The following ANKRD16 variants were observed in gnomAD, a reference collection of about 807,000 sequenced individuals.
The protein encoded by ANKRD16 is ankyrin repeat domain 16.
A neutral mutation model predicts 37.9 loss-of-function variants in ANKRD16; 35 were observed. That is an observed-to-expected ratio of 0.92 (90% confidence interval 0.71 to 1.23). The LOEUF (loss-of-function observed/expected upper bound fraction) is 1.23, where lower values mean the gene tolerates loss of function less well. Among genes scored for constraint, ANKRD16 ranks in the 50% most tolerant of loss-of-function variants. The pLI, the probability that ANKRD16 is intolerant of heterozygous loss-of-function variation, is 0.00. For missense variants in ANKRD16, 480 were observed against 469.9 expected (o/e 1.02, Z -0.20); for synonymous variants, 206 against 197.2 (o/e 1.04, Z -0.37).
intron 3 of ANKRD16, among the ~76,000 whole-genome samples, chr10:5,885,322 A>G (rs1326400123): frequency 3.3e-5 from 5 of 152,136 alleles, no homozygotes; most frequent in East Asian, 1.9e-4. Context: ...CTGGGACTAC[A>G]GGCGCCCGCC....
At chr10:5,880,667 T>C (rs1043749776) in intron 5 of ANKRD16, among the ~76,000 whole-genome samples, 3 of 151,936 alleles carry the variant, frequency 2.0e-5, no homozygotes, top group African/African-American at 4.9e-5. Flanking sequence ...ACATTAAATA[T>C]CTCTTTCCAC....
Position 5,871,720 on chromosome 10 carries a change from C to T in ANKRD16, c.*33+6377G>A, listed in dbSNP as rs960408198. Among the ~76,000 whole-genome samples, 3 of 152,176 alleles carry T rather than the reference C, an allele frequency of 2.0e-5. No individual in the cohort carries two copies. Among genetic ancestry groups the T allele is most frequent in the South Asian group, 2.1e-4 (1 of 4,826 alleles). ...TTCTAAGCCTACTTCCCACACCTTC[C>T]GAAGAGCCTTATCCCACAGAGCCCT... On this transcript the variant is annotated intron_variant, in intron 7 of 7. Transcript: ENST00000380094. This position sits in a 1 kb window ranked among gnomAD's most constrained non-coding sequence, Gnocchi z 4.5.
Position 5,866,448 on chromosome 10 carries a change from G to A in ANKRD16, c.*34-3757C>T, listed in dbSNP as rs1339749708. ...AAGTAAGTCTCTTCCCCAGGGACCA[G>A]TGCCCAGTTAGCAGAACTAGTGGCA... is the stretch of plus-strand genomic sequence containing the variant. On this transcript the variant is annotated intron_variant, in intron 7 of 7. Transcript: ENST00000380094. The surrounding 1 kb of genome is among the most constrained non-coding windows in gnomAD (Gnocchi z 4.3). Among the ~76,000 whole-genome samples the A allele has an allele frequency of 6.6e-6, 1 of 152,224 alleles. No homozygotes were observed. The highest frequency in any genetic ancestry group is 1.9e-4 in the East Asian group (1 of 5,206).
At chr10:5,872,794 G>A (rs75479759) in intron 7 of ANKRD16, among the ~76,000 whole-genome samples, 3,922 of 151,882 alleles carry the variant, frequency 0.026, 91 homozygotes, top group East Asian at 0.085. Context: ...CTGACCTCGT[G>A]ATCTGCCCCC....
At chr10:5,880,131 G>A (rs530745118) in intron 6 of ANKRD16, among the ~76,000 whole-genome samples, 167 bp downstream of exon 6, 2 of 127,770 alleles carry the variant, frequency 1.6e-5, no homozygotes, top group East Asian at 4.8e-4. Flanking sequence ...CTGCACTCCA[G>A]CCTGGGCAAC....
chr10:5,875,987 G>A (rs1274527110), intron 7 of ANKRD16, among the ~76,000 whole-genome samples: 3 of 152,142 alleles, frequency 2.0e-5, no homozygotes, highest in East Asian at 1.9e-4. Flanking sequence ...GAGTTAAAGC[G>A]ATTCTCCTGC....
chr10:5,884,343 A>T (rs1842377338), intron 3 of ANKRD16, among the ~76,000 whole-genome samples: 1 of 152,130 alleles, frequency 6.6e-6, no homozygotes, highest in African/African-American at 2.4e-5. Flanking sequence ...TGCACCAGAG[A>T]CCTGGAAGCC....
intron 5 of ANKRD16, among the ~76,000 whole-genome samples, chr10:5,881,754 C>T (rs1842321064): frequency 6.8e-6 from 1 of 147,692 alleles, no homozygotes; most frequent in Admixed American, 6.9e-5. Flanking sequence ...GTGGTGCGAT[C>T]TCGGCTCACT....
In ANKRD16 at chr10:5,862,637, T is replaced by C. The variant is rs1313790661; in HGVS notation, c.*88A>G. ...CAGGTTCAGGATGACTGAAGCAAGT[T>C]GCACTTGGCTTTCTCTGAGCCGAAA... is the stretch of plus-strand genomic sequence containing the variant. On this transcript the variant is annotated 3_prime_UTR_variant, in exon 8 of 8. Coordinates refer to ENST00000380094, the MANE Select transcript of ANKRD16 (RefSeq NM_019046.3). The surrounding 1 kb of genome is among the most constrained non-coding windows in gnomAD (Gnocchi z 6.5). 27 of 1,289,476 alleles carry C rather than the reference T, an allele frequency of 2.1e-5. No homozygotes were observed. Among genetic ancestry groups the C allele is most frequent in the Non-Finnish European group, 2.6e-5 (26 of 988,878 alleles). The allele number at this position is 1,289,476 out of a possible 1,614,324, so 79.9% of individuals were successfully genotyped here. A position where few individuals can be genotyped will look rare whatever the true frequency, so the allele number is the denominator to read the frequency against.
chr10:5,862,302 C>T lies in ANKRD16; in HGVS notation c.*423G>A. ...AATCTCATCAGAAGTGGTGCTACCA[C>T]TGTGTTTCATGTTTTTGTGTTTCTT... On this transcript the variant is annotated 3_prime_UTR_variant, in exon 8 of 8. Coordinates refer to ENST00000380094, the MANE Select transcript of ANKRD16 (RefSeq NM_019046.3). The surrounding 1 kb of genome is among the most constrained non-coding windows in gnomAD (Gnocchi z 6.5). 2.5e-6 allele frequency: 1 copy of T among 396,798 alleles called. No individual in the cohort carries two copies. The highest frequency in any genetic ancestry group is 4.9e-6 in the Non-Finnish European group (1 of 205,210). The allele number at this position is 396,798 out of a possible 1,614,324, so 24.6% of individuals were successfully genotyped here.
intron 7 of ANKRD16, among the ~76,000 whole-genome samples, chr10:5,872,845 C>G (rs1008931463): frequency 3.3e-5 from 5 of 151,552 alleles, no homozygotes; most frequent in African/African-American, 1.2e-4. Context: ...CGTGAGCCAC[C>G]GCGCCCGGCC....
chr10:5,877,215 C>T (rs1851362517), intron 7 of ANKRD16, among the ~76,000 whole-genome samples: 1 of 152,152 alleles, frequency 6.6e-6, no homozygotes, highest in African/African-American at 2.4e-5. Context: ...TGGGTTCAGG[C>T]AATTCTCGGG....
intron 7 of ANKRD16, among the ~76,000 whole-genome samples, chr10:5,875,708 A>AT (rs1842171738): frequency 7.9e-6 from 1 of 126,178 alleles, no homozygotes; most frequent in Admixed American, 1.0e-4. Context: ...GCTGCAATTA[A>AT]TGTTCTTTTT....
At chr10:5,880,132 C>T (rs1315527738) in intron 6 of ANKRD16, among the ~76,000 whole-genome samples, 166 bp downstream of exon 6, 2 of 143,888 alleles carry the variant, frequency 1.4e-5, no homozygotes, top group Non-Finnish European at 3.0e-5. Context: ...TGCACTCCAG[C>T]CTGGGCAACA....
chr10:5,889,342 C>T lies in ANKRD16; in HGVS notation c.13G>A (p.Gly5Arg), dbSNP rs541818307. The T allele has an allele frequency of 1.8e-3, 2,193 of 1,238,598 alleles. 33 individuals carry two copies. In the African/African-American group the frequency reaches 0.031, roughly 18 times the overall value. 76.7% of individuals were successfully genotyped at this position (1,238,598 alleles called of 1,614,324 possible). Residue 5 changes from glycine (G) to arginine (R), a missense_variant, in exon 1 of 8, where the codon GGG (glycine) becomes AGG (arginine). Coordinates refer to ENST00000380094, the MANE Select transcript of ANKRD16 (RefSeq NM_019046.3). ...AGCCTGCAGAGGCGCCGCGGGTCCC[C>T]GGGCTGGGCCATCGCCGCGGGTCGG... MAQPGDPRRLCRLVQ... is the reference protein window; with the variant it reads MAQPRDPRRLCRLVQ...
chr10:5,880,204 AG>A, intron 6 of ANKRD16, 93 bp downstream of exon 6: 8 of 290,956 alleles, frequency 2.7e-5, no homozygotes, highest in South Asian at 2.1e-4. Flanking sequence ...AAAAAAAAAA[AG>A]GAAGAATATT....
At chr10:5,882,830 G>GTCAGGTT (rs1842338634) in intron 5 of ANKRD16, 176 bp downstream of exon 5, 1 of 618,514 alleles carries the variant, frequency 1.6e-6, no homozygotes, top group African/African-American at 1.9e-5. Flanking sequence ...ACAAATTCAA[G>GTCAGGTT]TCAGGTTTCT....
chr10:5,873,332 C>A (rs116502626), intron 7 of ANKRD16, among the ~76,000 whole-genome samples: 8,488 of 151,580 alleles, frequency 0.056, 780 homozygotes, highest in African/African-American at 0.19. Flanking sequence ...CCCCAGCACG[C>A]CTGGACAATT....
At chr10:5,867,804 T>C (rs1842037511) in intron 7 of ANKRD16, among the ~76,000 whole-genome samples, 1 of 152,192 alleles carries the variant, frequency 6.6e-6, no homozygotes, top group Non-Finnish European at 1.5e-5. Flanking sequence ...TCAGACAGCT[T>C]GCAAGAAATA....
Sources: gnomAD v4.1 joint callset for allele counts (sites outside exome capture counted in the v4.1 genomes callset) on GRCh38, gnomAD v4.1.1 for gene constraint, Gnocchi (gnomAD v3.1) non-coding constraint, MANE v1.5 for transcripts, NCBI Gene and HGNC (gene_info 2026-07-23, HGNC 2026-07-21) for gene names.